The following LARGE1 variants were observed in gnomAD, a reference collection of about 807,000 sequenced individuals.
LARGE1 encodes LARGE xylosyl- and glucuronyltransferase 1.
In LARGE1, 43 loss-of-function variants were observed where a neutral mutation model predicts 87.6. The observed-to-expected ratio is 0.49, with a 90% CI of 0.38 to 0.63. The LOEUF (loss-of-function observed/expected upper bound fraction) is 0.63. LARGE1 is among the 30% of genes least tolerant of loss of function. The probability of loss-of-function intolerance (pLI) is 0.00; values close to 1 mark genes in which losing one functional copy is unlikely to be tolerated. For synonymous variants in LARGE1, 434 were observed against 394.6 expected (o/e 1.10, Z -1.18); for missense variants, 802 against 1,000.2 (o/e 0.80, Z 2.67).
chr22:33,813,877 C>T (rs2086573702), intron 1 of LARGE1, among the ~76,000 whole-genome samples: 1 of 152,186 alleles, frequency 6.6e-6, no homozygotes, highest in South Asian at 2.1e-4. Flanking sequence ...ACTCAATGAA[C>T]ACTGAACAAA....
chr22:33,340,997 C>A (rs1014406747), intron 9 of LARGE1, among the ~76,000 whole-genome samples: 11 of 148,908 alleles, frequency 7.4e-5, no homozygotes, highest in African/African-American at 2.9e-4. Context: ...CCCCCTACTA[C>A]CTTTACTCTC....
the LARGE1 span, among the ~76,000 whole-genome samples, chr22:33,104,941 TTCTTTCTCTTTC>T: frequency 1.8e-4 from 24 of 135,598 alleles, no homozygotes; most frequent in African/African-American, 5.7e-4. Context: ...CTTTCTTTCT[TTCTTTCTCTTTC>T]TCTCTTTCTC....
intron 10 of LARGE1, among the ~76,000 whole-genome samples, chr22:33,333,980 G>A (rs904072646): frequency 3.3e-5 from 5 of 151,888 alleles, no homozygotes; most frequent in Non-Finnish European, 7.4e-5. Context: ...AAGTTAGCCG[G>A]GTATGGTGGC....
intron 5 of LARGE1, among the ~76,000 whole-genome samples, chr22:33,566,924 T>G (rs2078045149): frequency 6.6e-6 from 1 of 152,154 alleles, no homozygotes; most frequent in East Asian, 1.9e-4. Context: ...CCAGCTGGCT[T>G]CACCTCTCAT....
chr22:33,262,576 T>C (rs969714749), intron 11 of LARGE1, among the ~76,000 whole-genome samples: 2 of 152,110 alleles, frequency 1.3e-5, no homozygotes, highest in East Asian at 3.9e-4. Context: ...CACCTGTCAA[T>C]GTTGGACTCA....
At chr22:33,213,024 AAAAAAAAAG>A (rs1404522499) in intron 11 of LARGE1, among the ~76,000 whole-genome samples, 1 of 152,046 alleles carries the variant, frequency 6.6e-6, no homozygotes, top group African/African-American at 2.4e-5. Flanking sequence ...TCTGAAAAAA[AAAAAAAAAG>A]AATATTTGTG....
At chr22:33,405,945 T>TAA (rs1320428521) in intron 7 of LARGE1, among the ~76,000 whole-genome samples, 14 of 152,188 alleles carry the variant, frequency 9.2e-5, no homozygotes, top group African/African-American at 3.4e-4. Context: ...GTCTGGAATC[T>TAA]TCGGAAAGAT....
At chr22:33,173,637 G>A (rs1204358578) in intron 11 of LARGE1, among the ~76,000 whole-genome samples, 3 of 151,486 alleles carry the variant, frequency 2.0e-5, no homozygotes, top group Non-Finnish European at 4.4e-5. Context: ...TAAAGGGAAG[G>A]AGGAAGATTT....
At chr22:33,745,869 G>C (rs1004931909) in intron 2 of LARGE1, among the ~76,000 whole-genome samples, 3 of 152,146 alleles carry the variant, frequency 2.0e-5, no homozygotes, top group African/African-American at 7.2e-5. Flanking sequence ...CACACATAGG[G>C]AGAGGACCAA....
At chr22:33,707,537 CCCT>C (rs1285942965) in intron 2 of LARGE1, among the ~76,000 whole-genome samples, 1 of 152,222 alleles carries the variant, frequency 6.6e-6, no homozygotes, top group Non-Finnish European at 1.5e-5. Flanking sequence ...GCATCATGCT[CCCT>C]CCTTTCTCCA....
chr22:33,656,694 T>C (rs1342617054), intron 2 of LARGE1, among the ~76,000 whole-genome samples: 1 of 152,218 alleles, frequency 6.6e-6, no homozygotes, highest in Admixed American at 6.5e-5. Flanking sequence ...CGTTCTATCA[T>C]GCAATACGTG....
In LARGE1 at chr22:33,178,848, T is replaced by C. The variant is rs9621657; in HGVS notation, c.1731-12016A>G. 4.9e-3 allele frequency among the ~76,000 whole-genome samples: 740 copies of C among 152,334 alleles called. 2 individuals are homozygous for C. The highest frequency in any genetic ancestry group is 8.3e-3 in the Non-Finnish European group (568 of 68,024). On this transcript the variant is annotated intron_variant, in intron 11 of 11. Transcript: ENST00000608642. ...TTCCAGAATTATGATAAAATGTATA[T>C]GTATCCATGTCTTACTCCATTTTCT...
At chr22:33,582,043 T>C (rs1212117202) in intron 5 of LARGE1, among the ~76,000 whole-genome samples, 2 of 152,174 alleles carry the variant, frequency 1.3e-5, no homozygotes, top group Non-Finnish European at 2.9e-5. Flanking sequence ...GTCACCCCAA[T>C]TGTGTCAGTT....
At chr22:33,275,611 G>A (rs546242773) in intron 14 of LARGE1, among the ~76,000 whole-genome samples, 2 of 152,264 alleles carry the variant, frequency 1.3e-5, no homozygotes, top group Middle Eastern at 6.8e-3. Flanking sequence ...AACCGCACTA[G>A]CCCCATGGGT....
intron 12 of LARGE1, among the ~76,000 whole-genome samples, chr22:33,292,550 A>G (rs1164152529): frequency 1.3e-5 from 2 of 152,148 alleles, no homozygotes; most frequent in Non-Finnish European, 2.9e-5. Flanking sequence ...CCAGGCTTAC[A>G]TGTCGAGGAG....
At chr22:33,812,937 G>A (rs953329931) in intron 1 of LARGE1, among the ~76,000 whole-genome samples, 2 of 152,172 alleles carry the variant, frequency 1.3e-5, no homozygotes, top group African/African-American at 4.8e-5. Flanking sequence ...GATAATTAAT[G>A]CAACTAGCAC....
the LARGE1 span, among the ~76,000 whole-genome samples, chr22:33,120,362 C>CTT: frequency 1.2e-5 from 1 of 83,040 alleles, no homozygotes; most frequent in Non-Finnish European, 2.2e-5. Context: ...CTTTCTTTTT[C>CTT]TTTCTTTCTT....
At chr22:33,143,521 T>C in the LARGE1 span, among the ~76,000 whole-genome samples, 3 of 152,276 alleles carry the variant, frequency 2.0e-5, no homozygotes, top group Middle Eastern at 3.4e-3. Context: ...GCAGGTAAGT[T>C]TTCTTATTAG....
At chr22:33,882,129 G>A (rs1423504256) in intron 1 of LARGE1, among the ~76,000 whole-genome samples, 15 of 146,240 alleles carry the variant, frequency 1.0e-4, no homozygotes, top group Admixed American at 3.4e-4. Flanking sequence ...CGCAAGCTCC[G>A]CCTCCCGGGT....
Sources: gnomAD v4.1 joint callset for allele counts (sites outside exome capture counted in the v4.1 genomes callset) on GRCh38, gnomAD v4.1.1 for gene constraint, MANE v1.5 for transcripts, NCBI Gene and HGNC (gene_info 2026-07-23, HGNC 2026-07-21) for gene names.